Variants in WDFY3 observed in about 807,000 individuals in gnomAD.
WDFY3 encodes WD repeat and FYVE domain containing 3, also known as WD repeat and FYVE domain-containing protein 3.
In WDFY3, 66 loss-of-function variants were observed where a neutral mutation model predicts 409.6. The ratio of observed to expected loss-of-function variants is 0.16; its 90% CI spans 0.13 to 0.20. WDFY3 has a LOEUF of 0.20. WDFY3 is among the 10% of genes least tolerant of loss of function. The pLI is 1.00. For missense variants in WDFY3, 3,031 were observed against 4,298.1 expected, an observed-to-expected ratio of 0.71 and a Z score of 8.24; for synonymous variants, 1,521 against 1,537.1, an observed-to-expected ratio of 0.99 and a Z score of 0.25.
In WDFY3 at chr4:84,801,809, G is replaced by A. The variant is rs201800310; in HGVS notation, c.2663C>T (p.Thr888Ile). The A allele has an allele frequency of 6.2e-7, 1 of 1,614,170 alleles. No homozygotes were observed. The highest frequency in any genetic ancestry group is 2.2e-5 in the East Asian group (1 of 44,874). ...VANILQSLVH[T>I]ERNQQVMCEA... ...ACACATGACTTGCTGGTTCCTTTCTGTGTGCACCAGGGATTGTAAAATATT... is the reference window on the plus strand; with the variant it reads ...ACACATGACTTGCTGGTTCCTTTCTATGTGCACCAGGGATTGTAAAATATT... Residue 888 changes from threonine to isoleucine, a missense_variant, in exon 17 of 68, where the codon ACA becomes ATA. This residue lies in a region of WDFY3 where 1,322 missense variants were observed against 1,697.9 expected (regional missense o/e 0.78). Coordinates refer to ENST00000295888, the MANE Select transcript of WDFY3 (RefSeq NM_014991.6).
At chr4:84,769,118 T>C (rs1034424750) in intron 30 of WDFY3, among the ~76,000 whole-genome samples, 1 of 152,220 alleles carries the variant, frequency 6.6e-6, no homozygotes, top group East Asian at 1.9e-4. Flanking sequence ...GATACAACTT[T>C]AACAGATGAG....
intron 50 of WDFY3, among the ~76,000 whole-genome samples, 190 bp from the exon 51 acceptor site, chr4:84,713,429 AAAC>A (rs1733283324): frequency 6.6e-6 from 1 of 152,220 alleles, no homozygotes; most frequent in Non-Finnish European, 1.5e-5. Flanking sequence ...TTAGCACTGA[AAAC>A]AATAGCACCT....
chr4:84,829,810 A>AAAATAAATAAATAAATAAATAAATAAAT (rs201691609), intron 8 of WDFY3, among the ~76,000 whole-genome samples: 8 of 138,694 alleles, frequency 5.8e-5, no homozygotes, highest in Admixed American at 1.5e-4. Context: ...AGACTGTCTC[A>AAAATAAATAAATAAATAAATAAATAAAT]AAATAAATAA....
At chr4:84,822,087 C>CA (rs1169163287) in intron 10 of WDFY3, among the ~76,000 whole-genome samples, 1 of 152,002 alleles carries the variant, frequency 6.6e-6, no homozygotes, top group Non-Finnish European at 1.5e-5. Flanking sequence ...GCTAACAGTA[C>CA]AATTTCTTCA....
At chr4:84,819,728 T>C (rs1210708229) in intron 12 of WDFY3, among the ~76,000 whole-genome samples, 2 of 152,092 alleles carry the variant, frequency 1.3e-5, no homozygotes, top group Non-Finnish European at 2.9e-5. Flanking sequence ...CTCTAACTTG[T>C]AGTACTAAAA....
intron 3 of WDFY3, among the ~76,000 whole-genome samples, chr4:84,880,526 T>C (rs1763340949): frequency 6.6e-6 from 1 of 151,020 alleles, no homozygotes. Context: ...ATACAGATCA[T>C]ACGAATCAGC....
intron 4 of WDFY3, among the ~76,000 whole-genome samples, chr4:84,850,928 G>GTTT (rs869074191): frequency 7.6e-4 from 35 of 46,218 alleles, no homozygotes; most frequent in Non-Finnish European, 9.3e-4. Flanking sequence ...TTATTTATCT[G>GTTT]TTTTTTTTTT....
chr4:84,878,925 C>CAG lies in WDFY3; in HGVS notation c.-32+17985_-32+17986insCT, dbSNP rs529023525. Among the ~76,000 whole-genome samples, 9 of 152,252 alleles carry CAG rather than the reference C, an allele frequency of 5.9e-5. No homozygotes were observed. In the South Asian group the frequency reaches 1.9e-3, roughly 32 times the overall value. On this transcript the variant is annotated intron_variant, in intron 3 of 67. Coordinates refer to ENST00000295888, the MANE Select transcript of WDFY3 (RefSeq NM_014991.6). ...GTAATAGCATTGCTGAAATTTAATT[C>CAG]CTTAAGTGTCTACTATATATAAGGA... is the stretch of plus-strand genomic sequence containing the variant.
At position 84,787,728 on chromosome 4, in the gene WDFY3, A is replaced by G. The variant is rs550657599; in HGVS notation, c.3670-15T>C. 14 of 1,593,666 alleles carry G rather than the reference A, an allele frequency of 8.8e-6. No individual in the cohort carries two copies. The African/African-American group carries it at 1.6e-4, about 18-fold the overall frequency. On this transcript the variant is annotated splice_polypyrimidine_tract_variant and intron_variant, in intron 22 of 67. Transcript: ENST00000295888. ...ACATAATGAAGCTGTAAGGAAGACA[A>G]AAGCAAATGTGTGAGATGTGAACAC...
At chr4:84,715,776 G>GAAAAA (rs370627075) in intron 49 of WDFY3, among the ~76,000 whole-genome samples, 3 of 46,416 alleles carry the variant, frequency 6.5e-5, no homozygotes, top group East Asian at 6.2e-4. Flanking sequence ...CTCTGTCTCA[G>GAAAAA]AAAAAAAAAA....
chr4:84,707,266 T>A (rs865810131), intron 53 of WDFY3, among the ~76,000 whole-genome samples: 16 of 152,118 alleles, frequency 1.1e-4, no homozygotes, highest in African/African-American at 3.1e-4. Context: ...ACTCAATTAG[T>A]GTTCCTGAAA....
At chr4:84,784,689 T>C (rs571543942) in intron 24 of WDFY3, among the ~76,000 whole-genome samples, 73 of 150,916 alleles carry the variant, frequency 4.8e-4, no homozygotes, top group African/African-American at 1.7e-3. Context: ...AATACAAAAA[T>C]CAGTTGGGCA....
Position 84,741,954 on chromosome 4 carries a change from A to T in WDFY3, c.6074-33T>A, listed in dbSNP as rs201338351. On this transcript the variant is annotated intron_variant, in intron 37 of 67. Transcript: ENST00000295888. ...CCAGTAGGAAAAAAAGTCTAAGAAA[A>T]TTGATATCTACCAACACAGGACCAG... is the stretch of plus-strand genomic sequence containing the variant. The T allele has an allele frequency of 8.4e-6, 13 of 1,552,704 alleles. No homozygotes were observed. The East Asian group carries it at 3.0e-4, about 35-fold the overall frequency.
intron 13 of WDFY3, among the ~76,000 whole-genome samples, chr4:84,815,745 T>G (rs1278888000): frequency 1.3e-5 from 2 of 152,172 alleles, no homozygotes; most frequent in East Asian, 3.8e-4. Flanking sequence ...AGGTGTATGC[T>G]ATTCATCTGT....
At chr4:84,961,457 A>C (rs1033283702) in intron 1 of WDFY3, among the ~76,000 whole-genome samples, 1 of 152,064 alleles carries the variant, frequency 6.6e-6, no homozygotes, top group Admixed American at 6.5e-5. Flanking sequence ...TTTCTAAACA[A>C]AGCTTTATCT....
intron 53 of WDFY3, 79 bp from the exon 54 acceptor site, chr4:84,705,590 G>T: frequency 1.8e-6 from 2 of 1,140,454 alleles, no homozygotes; most frequent in Non-Finnish European, 1.3e-6. Flanking sequence ...TGGCTGTTGT[G>T]GATGATGATG....
At chr4:84,863,759 A>G (rs1351712821) in intron 3 of WDFY3, among the ~76,000 whole-genome samples, 1 of 152,096 alleles carries the variant, frequency 6.6e-6, no homozygotes, top group Non-Finnish European at 1.5e-5. Context: ...CTTCTGCATG[A>G]GGATATCCAG....
At chr4:84,682,597 G>C in intron 63 of WDFY3, 127 bp from the exon 64 acceptor site, 1 of 758,160 alleles carries the variant, frequency 1.3e-6, no homozygotes, top group South Asian at 1.8e-5. Flanking sequence ...TATACAGTTA[G>C]ATTTCCCGTA....
intron 19 of WDFY3, 28 bp downstream of exon 19, chr4:84,796,493 A>C (rs747528466): frequency 6.8e-7 from 1 of 1,461,996 alleles, no homozygotes; most frequent in South Asian, 1.5e-5. Flanking sequence ...TAAAACCATA[A>C]AGGTTGGCTT....
Sources: allele counts gnomAD v4.1 joint callset (sites outside exome capture counted in the v4.1 genomes callset), GRCh38; gene constraint gnomAD v4.1.1; regional missense constraint gnomAD v4.1.1; transcripts MANE v1.5; gene names NCBI Gene and HGNC (gene_info 2026-07-23, HGNC 2026-07-21).